TUBA3C: variants seen among roughly 807,000 people sequenced by gnomAD.
TUBA3C encodes the protein tubulin alpha-3C chain.
Under a neutral mutation model 33.4 loss-of-function variants are expected in TUBA3C, and 23 were observed. The observed-to-expected ratio is 0.69, with a 90% CI of 0.50 to 0.98. TUBA3C has a LOEUF of 0.98. Ranked by LOEUF, TUBA3C falls within the 50% of genes least tolerant of loss-of-function variation. The pLI is 0.00. For missense variants in TUBA3C, 402 were observed against 616.0 expected, an observed-to-expected ratio of 0.65 and a Z score of 3.68; for synonymous variants, 269 against 250.4, an observed-to-expected ratio of 1.07 and a Z score of -0.70.
Position 19,174,103 on chromosome 13 carries a change from C to T in TUBA3C, c.1113G>A (p.Val371=), listed in dbSNP as rs750234837. 9 of 1,614,052 alleles carry T rather than the reference C, an allele frequency of 5.6e-6. No individual in the cohort carries two copies. The highest frequency in any genetic ancestry group is 7.6e-6 in the Non-Finnish European group (9 of 1,180,034). Residue 371 remains valine, a synonymous_variant, in exon 5 of 5, where the codon GTG becomes GTA. Transcript: ENST00000400113. ...TGCTCAGCATGCACACAGCCCGCTG[C>T]ACCTTGGCCAGGTCTCCCCCAGGGA... The part of the protein sequence containing the change: ...TVVPGGDLAK[V]QRAVCMLSNT...
At chr13:19,174,861 C>T (rs1258159325) in intron 4 of TUBA3C, among the ~76,000 whole-genome samples, 1 of 152,124 alleles carries the variant, frequency 6.6e-6, no homozygotes, top group Admixed American at 6.6e-5. Flanking sequence ...ACTCAGGAGG[C>T]TGAGGTGGGA....
chr13:19,176,170 A>G (rs9511912), intron 4 of TUBA3C, among the ~76,000 whole-genome samples: 6,315 of 151,866 alleles, frequency 0.042, 159 homozygotes, highest in Middle Eastern at 0.068. Flanking sequence ...CGTAATCCCA[A>G]CATTTTGGGA....
intron 4 of TUBA3C, among the ~76,000 whole-genome samples, chr13:19,176,704 C>T (rs957354332): frequency 5.5e-5 from 6 of 109,168 alleles, no homozygotes; most frequent in Non-Finnish European, 8.6e-5. Flanking sequence ...CCAGCCTGGG[C>T]GACAAAGCTA....
intron 2 of TUBA3C, among the ~76,000 whole-genome samples, chr13:19,178,966 C>T (rs927982098): frequency 1.3e-5 from 2 of 152,182 alleles, no homozygotes; most frequent in Non-Finnish European, 2.9e-5. Flanking sequence ...ACTTAACCTT[C>T]TATGCCTAAG....
At chr13:19,179,827 T>G (rs139087599) in intron 1 of TUBA3C, among the ~76,000 whole-genome samples, 3 of 152,256 alleles carry the variant, frequency 2.0e-5, no homozygotes, top group African/African-American at 7.2e-5. Flanking sequence ...ATTTTAAAAC[T>G]TGGAAGCCAT....
In TUBA3C at chr13:19,177,188, G is replaced by A. The variant is rs1164701306; in HGVS notation, c.795C>T (p.Ile265=). 6.2e-7 allele frequency: 1 copy of A among 1,614,036 alleles called. No individual in the cohort carries two copies. The highest frequency in any genetic ancestry group is 1.7e-5 in the Admixed American group (1 of 60,002). Reference sequence around the variant, plus strand: ...GGGCGTAGGTGGCCAGGGGGAAGTGGATGCGGGGGTACGGCACTAGGTTGG... The same window carrying A: ...GGGCGTAGGTGGCCAGGGGGAAGTGAATGCGGGGGTACGGCACTAGGTTGG... The part of the protein sequence containing the change: ...FQTNLVPYPR[I]HFPLATYAPV... The change falls in exon 4 of 5, where the codon ATC becomes ATT. Residue 265 remains isoleucine, a synonymous_variant. Coordinates refer to ENST00000400113, the MANE Select transcript of TUBA3C (RefSeq NM_006001.3). The surrounding 1 kb of genome is among the most constrained non-coding windows in gnomAD (Gnocchi z 5.0).
chr13:19,177,618 C>T lies in TUBA3C; in HGVS notation c.376-11G>A. ...CGTGCACAGATCCGCCTGAGGGAAA[C>T]CAGACAACATGAATCAATGCCCGTG... On this transcript the variant is annotated splice_polypyrimidine_tract_variant and intron_variant, in intron 3 of 4. Transcript: ENST00000400113. This position sits in a 1 kb window ranked among gnomAD's most constrained non-coding sequence, Gnocchi z 5.0. 1.9e-6 allele frequency: 3 copies of T among 1,551,878 alleles called. No individual in the cohort carries two copies. The highest frequency in any genetic ancestry group is 2.6e-6 in the Non-Finnish European group (3 of 1,150,366).
At position 19,177,686 on chromosome 13, in the gene TUBA3C, T is replaced by G; in HGVS notation, c.376-79A>C. ...CTCCACCAAGCCAGGGCCACTTCTC[T>G]GCCTCTGAAGACTTGATATGGATTC... On this transcript the variant is annotated intron_variant, in intron 3 of 4. Coordinates refer to ENST00000400113, the MANE Select transcript of TUBA3C (RefSeq NM_006001.3). This position sits in a 1 kb window ranked among gnomAD's most constrained non-coding sequence, Gnocchi z 5.0. 6.7e-7 allele frequency: 1 copy of G among 1,497,610 alleles called. No individual in the cohort carries two copies. The highest frequency in any genetic ancestry group is 8.9e-7 in the Non-Finnish European group (1 of 1,119,580). 92.8% of individuals were successfully genotyped at this position (1,497,610 alleles called of 1,614,324 possible). A position where few individuals can be genotyped will look rare whatever the true frequency, so the allele number is the denominator to read the frequency against.
chr13:19,178,135 C>T, intron 3 of TUBA3C, 111 bp downstream of exon 3: 1 of 1,508,536 alleles, frequency 6.6e-7, no homozygotes, highest in Non-Finnish European at 9.0e-7. Flanking sequence ...CGTGAGCCAC[C>T]AGACCCAGCC....
Position 19,173,855 on chromosome 13 carries a change from C to T in TUBA3C, c.*8G>A, listed in dbSNP as rs775269779. The T allele has an allele frequency of 6.2e-7, 1 of 1,607,366 alleles. No homozygotes were observed. Among genetic ancestry groups the T allele is most frequent in the Non-Finnish European group, 8.5e-7 (1 of 1,176,014 alleles). On this transcript the variant is annotated 3_prime_UTR_variant, in exon 5 of 5. Transcript: ENST00000400113. ...GCAGTGGAGTGGAGAACCCACCACA[C>T]CCTCCCCTCAGTATTCTTCACCTTC...
In TUBA3C at chr13:19,177,641, G is replaced by A. The variant is rs374189949; in HGVS notation, c.376-34C>T. ...AACCAGACAACATGAATCAATGCCC[G>A]TGGAAGCCACACCACCAACCTCCAC... On this transcript the variant is annotated intron_variant, in intron 3 of 4. Transcript: ENST00000400113. The surrounding 1 kb of genome is among the most constrained non-coding windows in gnomAD (Gnocchi z 5.0). 3.9e-5 allele frequency: 60 copies of A among 1,533,298 alleles called. No individual in the cohort carries two copies. The highest frequency in any genetic ancestry group is 3.4e-4 in the South Asian group (26 of 76,588). 95.0% of individuals were successfully genotyped at this position (1,533,298 alleles called of 1,614,324 possible).
In TUBA3C at chr13:19,179,573, A is replaced by G. The variant is rs540339404; in HGVS notation, c.4-10T>C. The G allele has an allele frequency of 7.6e-5, 122 of 1,612,968 alleles. No individual in the cohort carries two copies. The highest frequency in any genetic ancestry group is 5.6e-4 in the South Asian group (51 of 91,016). Reference sequence around the variant, plus strand: ...TAGAGATACACTCACGCTGTGAACCAGAACATAAATGTAGACCCATTCATT... The same window carrying G: ...TAGAGATACACTCACGCTGTGAACCGGAACATAAATGTAGACCCATTCATT... On this transcript the variant is annotated splice_polypyrimidine_tract_variant and intron_variant, in intron 1 of 4. Coordinates refer to ENST00000400113, the MANE Select transcript of TUBA3C (RefSeq NM_006001.3).
At chr13:19,181,499 T>C (rs1593263250) in intron 1 of TUBA3C, among the ~76,000 whole-genome samples, 1 of 152,022 alleles carries the variant, frequency 6.6e-6, no homozygotes, top group African/African-American at 2.4e-5. Context: ...CGGTCAATGC[T>C]CCCCGTCCAC....
intron 4 of TUBA3C, among the ~76,000 whole-genome samples, chr13:19,175,988 C>T (rs1261346972): frequency 6.6e-6 from 1 of 152,224 alleles, no homozygotes; most frequent in East Asian, 1.9e-4. Context: ...AGGTGATCCG[C>T]CTGCCTTGGC....
chr13:19,177,773 A>G lies in TUBA3C; in HGVS notation c.376-166T>C, dbSNP rs981480468. On this transcript the variant is annotated intron_variant, in intron 3 of 4. Coordinates refer to ENST00000400113, the MANE Select transcript of TUBA3C (RefSeq NM_006001.3). The surrounding 1 kb of genome is among the most constrained non-coding windows in gnomAD (Gnocchi z 5.0). Reference sequence around the variant, plus strand: ...CAAAGAAAAGCAGACAAAGATCTACAGACAAATCACCATGCATACTTCAGA... The same window carrying G: ...CAAAGAAAAGCAGACAAAGATCTACGGACAAATCACCATGCATACTTCAGA... Among the ~76,000 whole-genome samples, 1 of 152,088 alleles carries G rather than the reference A, an allele frequency of 6.6e-6. No homozygotes were observed. The highest frequency in any genetic ancestry group is 2.1e-4 in the South Asian group (1 of 4,828).
At chr13:19,180,453 G>C (rs1188106740) in intron 1 of TUBA3C, among the ~76,000 whole-genome samples, 1 of 151,974 alleles carries the variant, frequency 6.6e-6, no homozygotes, top group Non-Finnish European at 1.5e-5. Context: ...TTGGGAGGCT[G>C]AGCTGAGATC....
chr13:19,178,039 G>GT (rs1218911259), intron 3 of TUBA3C, among the ~76,000 whole-genome samples: 1 of 152,078 alleles, frequency 6.6e-6, no homozygotes, highest in Non-Finnish European at 1.5e-5. Context: ...TAAAGACAGG[G>GT]TTTCACCACG....
chr13:19,174,729 G>A (rs1869122430), intron 4 of TUBA3C, among the ~76,000 whole-genome samples: 1 of 152,148 alleles, frequency 6.6e-6, no homozygotes, highest in Admixed American at 6.5e-5. Flanking sequence ...CTCTTTGGGA[G>A]GCCAAGGTGG....
intron 1 of TUBA3C, among the ~76,000 whole-genome samples, chr13:19,180,710 T>C (rs747405509): frequency 1.2e-4 from 18 of 151,952 alleles, no homozygotes; most frequent in Non-Finnish European, 1.9e-4. Context: ...TTAGCCAGGA[T>C]GGTCTCGATC....
Sources: gnomAD v4.1 joint callset for allele counts (sites outside exome capture counted in the v4.1 genomes callset) on GRCh38, gnomAD v4.1.1 for gene constraint, Gnocchi (gnomAD v3.1) non-coding constraint, MANE v1.5 for transcripts, NCBI Gene and HGNC (gene_info 2026-07-23, HGNC 2026-07-21) for gene names.